RGS21: variants seen among roughly 807,000 people sequenced by gnomAD.
The protein encoded by RGS21 is regulator of G protein signaling 21.
Under a neutral mutation model 18.7 loss-of-function variants are expected in RGS21, and 19 were observed. That is an observed-to-expected ratio of 1.01 (90% confidence interval 0.71 to 1.49). The LOEUF is 1.49. Ranked by LOEUF, RGS21 falls within the 40% of genes most tolerant of loss-of-function variation. RGS21 has a pLI of 0.00. For missense variants in RGS21, 194 were observed against 176.8 expected, an observed-to-expected ratio of 1.10 and a Z score of -0.55; for synonymous variants, 56 against 57.8, an observed-to-expected ratio of 0.97 and a Z score of 0.14.
intron 3 of RGS21, among the ~76,000 whole-genome samples, chr1:192,350,923 A>T (rs998054995): frequency 1.1e-4 from 17 of 152,172 alleles, no homozygotes; most frequent in African/African-American, 3.9e-4. Context: ...GGAGCAAGGG[A>T]TATAAGTGTA....
rs1658966014 is a variant in RGS21 at position 192,347,351 on chromosome 1, C to T, written c.50C>T (p.Thr17Ile). 2 of 1,607,756 alleles carry T rather than the reference C, an allele frequency of 1.2e-6. No individual in the cohort carries two copies. Among genetic ancestry groups the T allele is most frequent in the Admixed American group, 1.7e-5 (1 of 59,964 alleles). The change falls in exon 3 of 5, where the codon ACA (threonine) becomes ATA (isoleucine). Residue 17 changes from threonine to isoleucine, a missense_variant. Thr to Ile is a moderately conservative substitution (Grantham distance 89, BLOSUM62 -1). Coordinates refer to ENST00000417209, the MANE Select transcript of RGS21 (RefSeq NM_001039152.3). Reference protein sequence around the residue: ...FYRSPTAETMTWSENMDTLLA... With the variant: ...FYRSPTAETMIWSENMDTLLA... ...AGGTCACCAACTGCGGAAACAATGA[C>T]ATGGTCTGAAAATATGGACACGCTT...
At chr1:192,318,473 T>C (rs1215381903) in intron 1 of RGS21, among the ~76,000 whole-genome samples, 1 of 151,982 alleles carries the variant, frequency 6.6e-6, no homozygotes, top group Admixed American at 6.6e-5. Flanking sequence ...CTGCCAGAAG[T>C]TTTACGCTGA....
chr1:192,352,386 TTCAG>T (rs1385788829), intron 4 of RGS21, among the ~76,000 whole-genome samples, 173 bp downstream of exon 4: 1 of 151,988 alleles, frequency 6.6e-6, no homozygotes, highest in African/African-American at 2.4e-5. Context: ...TTTTCATTGA[TTCAG>T]TAAGTATTTT....
chr1:192,348,925 CAT>C (rs1187691885), intron 3 of RGS21, among the ~76,000 whole-genome samples: 3 of 151,902 alleles, frequency 2.0e-5, no homozygotes, highest in Non-Finnish European at 4.4e-5. Flanking sequence ...ATACTATAAA[CAT>C]ATTATTTCTA....
intron 2 of RGS21, among the ~76,000 whole-genome samples, 177 bp downstream of exon 2, chr1:192,343,224 T>G (rs1658898036): frequency 6.6e-6 from 1 of 152,106 alleles, no homozygotes; most frequent in South Asian, 2.1e-4. Context: ...TGTCAAGAAT[T>G]TGTGGCTTAC....
chr1:192,342,965 C>T lies in RGS21; in HGVS notation c.-60-12C>T. The T allele has an allele frequency of 6.7e-7, 1 of 1,489,182 alleles. No individual in the cohort carries two copies. Among genetic ancestry groups the T allele is most frequent in the Non-Finnish European group, 9.4e-7 (1 of 1,066,524 alleles). 92.2% of individuals were successfully genotyped at this position (1,489,182 alleles called of 1,614,324 possible). A position where few individuals can be genotyped will look rare whatever the true frequency, so the allele number is the denominator to read the frequency against. On this transcript the variant is annotated splice_polypyrimidine_tract_variant and intron_variant, in intron 1 of 4. Transcript: ENST00000417209. ...ACTAATTGTAATGTTCCTGCTGTCACATTACCTTCAGCTTGAAGATCAGTC... is the reference window on the plus strand; with the variant it reads ...ACTAATTGTAATGTTCCTGCTGTCATATTACCTTCAGCTTGAAGATCAGTC...
intron 4 of RGS21, among the ~76,000 whole-genome samples, chr1:192,360,342 C>G (rs745737610): frequency 2.0e-5 from 3 of 152,130 alleles, no homozygotes. Context: ...TTTCTGTCAT[C>G]TCTTTCTTTA....
chr1:192,354,241 AG>A (rs1212330134), intron 4 of RGS21, among the ~76,000 whole-genome samples: 2 of 151,794 alleles, frequency 1.3e-5, no homozygotes, highest in Non-Finnish European at 3.0e-5. Flanking sequence ...AATACACAAT[AG>A]GTGATATAAT....
intron 2 of RGS21, among the ~76,000 whole-genome samples, chr1:192,345,875 G>A (rs1186154210): frequency 3.3e-5 from 5 of 151,978 alleles, no homozygotes; most frequent in Non-Finnish European, 7.4e-5. Context: ...TATAACATAA[G>A]CTTATTTGAG....
At chr1:192,339,004 C>T (rs1658812263) in intron 1 of RGS21, among the ~76,000 whole-genome samples, 1 of 152,012 alleles carries the variant, frequency 6.6e-6, no homozygotes, top group Admixed American at 6.6e-5. Flanking sequence ...CTCTTTGAGT[C>T]TTAGTTTCCT....
At position 192,317,000 on chromosome 1, in the gene RGS21, T is replaced by A. The variant is rs1658430471; in HGVS notation, c.-166T>A. The A allele has an allele frequency of 6.6e-6, 1 of 151,912 alleles. No individual in the cohort carries two copies. The highest frequency in any genetic ancestry group is 2.4e-5 in the African/African-American group (1 of 41,428). The allele number at this position is 151,912 out of a possible 1,614,324, so 9.4% of individuals were successfully genotyped here. On this transcript the variant is annotated 5_prime_UTR_variant, in exon 1 of 5. It adds an upstream start codon to the 5' untranslated region. Transcript: ENST00000417209. ...TATGTTAATATAGAAAAGTTACCAC[T>A]TGGAAAACAATTCATCTGAAAGAAG... is the stretch of plus-strand genomic sequence containing the variant.
At chr1:192,356,965 G>A (rs776153528) in intron 4 of RGS21, among the ~76,000 whole-genome samples, 3 of 151,658 alleles carry the variant, frequency 2.0e-5, no homozygotes, top group Non-Finnish European at 4.4e-5. Flanking sequence ...TTATGCTGGT[G>A]CAACTAAGAA....
chr1:192,356,838 C>G (rs1023689544), intron 4 of RGS21, among the ~76,000 whole-genome samples: 15 of 151,794 alleles, frequency 9.9e-5, no homozygotes, highest in Non-Finnish European at 2.2e-4. Context: ...TGACTGTTAG[C>G]CAACAGTGCT....
At chr1:192,317,569 T>C (rs1012733583) in intron 1 of RGS21, among the ~76,000 whole-genome samples, 1 of 151,872 alleles carries the variant, frequency 6.6e-6, no homozygotes, top group Non-Finnish European at 1.5e-5. Flanking sequence ...CTGAAAGTAA[T>C]GAATTATATA....
chr1:192,352,337 G>T, intron 4 of RGS21, 124 bp downstream of exon 4: 1 of 610,932 alleles, frequency 1.6e-6, no homozygotes, highest in Non-Finnish European at 2.5e-6. Context: ...GAAAATGTCA[G>T]TAGATTCCAA....
Position 192,358,835 on chromosome 1 carries a change from A to T in RGS21, c.255+6622A>T, listed in dbSNP as rs77285538. 5.8e-4 allele frequency among the ~76,000 whole-genome samples: 89 copies of T among 152,216 alleles called. 1 individual carries two copies. The East Asian group carries it at 0.016, about 28-fold the overall frequency. On this transcript the variant is annotated intron_variant, in intron 4 of 4. Coordinates refer to ENST00000417209, the MANE Select transcript of RGS21 (RefSeq NM_001039152.3). ...GAATTTAAGACTGCTGGTGTAGAGA[A>T]AATAAATTTGGTTTGCATCGCTTTC...
intron 4 of RGS21, among the ~76,000 whole-genome samples, chr1:192,358,646 C>G (rs1659141399): frequency 6.6e-6 from 1 of 152,030 alleles, no homozygotes; most frequent in African/African-American, 2.4e-5. Context: ...ACTATACATT[C>G]TAAATGAGGA....
rs549461823 is a variant in RGS21 at position 192,365,853 on chromosome 1, T to C, written c.256-68T>C. 4,492 of 827,906 alleles carry C rather than the reference T, an allele frequency of 5.4e-3. 220 individuals carry two copies. In the South Asian group the frequency reaches 0.068, roughly 13 times the overall value. The allele number at this position is 827,906 out of a possible 1,614,324, so 51.3% of individuals were successfully genotyped here. ...TGTGTTTAGAAAGAATTTTAAATAA[T>C]ATATATGTATAAACTATACATTCTT... On this transcript the variant is annotated intron_variant, in intron 4 of 4. Transcript: ENST00000417209.
chr1:192,362,440 G>A (rs1478594493), intron 4 of RGS21, among the ~76,000 whole-genome samples: 1 of 152,204 alleles, frequency 6.6e-6, no homozygotes, highest in East Asian at 1.9e-4. Context: ...ACGCATATGT[G>A]CATGTGCACA....
Sources: gnomAD v4.1 joint callset for allele counts (sites outside exome capture counted in the v4.1 genomes callset) on GRCh38, gnomAD v4.1.1 for gene constraint, MANE v1.5 for transcripts, NCBI Gene and HGNC (gene_info 2026-07-23, HGNC 2026-07-21) for gene names.